CACNB2: variants seen among roughly 807,000 people sequenced by gnomAD.
CACNB2 encodes the protein calcium voltage-gated channel auxiliary subunit beta 2, also known as voltage-dependent L-type calcium channel subunit beta-2.
CACNB2 carries 42 observed loss-of-function variants against 73.3 expected under a neutral mutation model. The observed-to-expected ratio is 0.57, with a 90% CI of 0.45 to 0.74. The LOEUF is 0.74. CACNB2 is among the 30% of genes least tolerant of loss of function. CACNB2 has a pLI of 0.00. For missense variants in CACNB2, 940 were observed against 853.0 expected, an observed-to-expected ratio of 1.10 and a Z score of -1.27; for synonymous variants, 348 against 310.3, an observed-to-expected ratio of 1.12 and a Z score of -1.28.
rs564870540 is a variant in CACNB2, at chr10:18,500,319, A to C, written c.457-493A>C. 6.6e-5 allele frequency among the ~76,000 whole-genome samples: 10 copies of C among 152,360 alleles called. No individual in the cohort carries two copies. In the East Asian group the frequency reaches 1.9e-3, roughly 29 times the overall value. On this transcript the variant is annotated intron_variant, in intron 4 of 13. Coordinates refer to ENST00000324631, the MANE Select transcript of CACNB2 (RefSeq NM_201596.3). Reference sequence around the variant, plus strand: ...TTGTCAACATCACACAAGTAGAGAAATCATCTGTGAACATCGCATTGTATA... The same window carrying C: ...TTGTCAACATCACACAAGTAGAGAACTCATCTGTGAACATCGCATTGTATA...
At chr10:18,507,319 G>A (rs992119696) in intron 6 of CACNB2, among the ~76,000 whole-genome samples, 2 of 152,136 alleles carry the variant, frequency 1.3e-5, no homozygotes, top group African/African-American at 4.8e-5. Flanking sequence ...CAGACAAGAA[G>A]TATAGAAAAA....
At chr10:18,408,089 G>T (rs1456803458) in intron 3 of CACNB2, among the ~76,000 whole-genome samples, 2 of 152,128 alleles carry the variant, frequency 1.3e-5, no homozygotes, top group East Asian at 3.8e-4. Flanking sequence ...ATTGTAGAGG[G>T]TTAAAACTGA....
intron 2 of CACNB2, among the ~76,000 whole-genome samples, chr10:18,278,286 C>A (rs1444421085): frequency 6.6e-6 from 1 of 152,088 alleles, no homozygotes; most frequent in Non-Finnish European, 1.5e-5. Flanking sequence ...TTGAGACCAG[C>A]CTGAGCAACA....
At chr10:18,370,848 GAT>G (rs1289302121) in intron 2 of CACNB2, among the ~76,000 whole-genome samples, 1 of 152,098 alleles carries the variant, frequency 6.6e-6, no homozygotes, top group Non-Finnish European at 1.5e-5. Context: ...TATTTGTATA[GAT>G]ACACACATAT....
intron 3 of CACNB2, among the ~76,000 whole-genome samples, chr10:18,441,400 T>C (rs2046404531): frequency 6.6e-6 from 1 of 152,172 alleles, no homozygotes; most frequent in Admixed American, 6.5e-5. Context: ...CAAGATTCCA[T>C]CTCAAAAAAA....
At chr10:18,479,251 G>A (rs1029587758) in intron 3 of CACNB2, among the ~76,000 whole-genome samples, 2 of 151,724 alleles carry the variant, frequency 1.3e-5, no homozygotes, top group African/African-American at 4.8e-5. Context: ...CTTTTTATGT[G>A]TCTATCCTTC....
In CACNB2 at chr10:18,234,914, C is replaced by T. The variant is rs375401177; in HGVS notation, c.213+83939C>T. On this transcript the variant is annotated intron_variant, in intron 2 of 13. Transcript: ENST00000324631. ...ATCCCAGCACTTTGGGAGGCTGAGGCGGGCAGATCACGAGGTCAGGAGATC... is the reference window on the plus strand; with the variant it reads ...ATCCCAGCACTTTGGGAGGCTGAGGTGGGCAGATCACGAGGTCAGGAGATC... Among the ~76,000 whole-genome samples, 370 of 152,002 alleles carry T rather than the reference C, an allele frequency of 2.4e-3. 2 individuals are homozygous for T. Among genetic ancestry groups the T allele is most frequent in the African/African-American group, 8.7e-3 (362 of 41,468 alleles).
At chr10:18,470,271 G>C (rs751207016) in intron 3 of CACNB2, among the ~76,000 whole-genome samples, 1 of 150,644 alleles carries the variant, frequency 6.6e-6, no homozygotes, top group Non-Finnish European at 1.5e-5. Context: ...AGGATCACCT[G>C]AGGTCTGGAG....
chr10:18,532,193 T>C (rs1369968532), intron 10 of CACNB2, among the ~76,000 whole-genome samples: 1 of 152,178 alleles, frequency 6.6e-6, no homozygotes, highest in African/African-American at 2.4e-5. Flanking sequence ...ACCAGGATTC[T>C]GAAAGTCCAC....
chr10:18,498,554 C>A (rs561875268), intron 4 of CACNB2, 77 bp downstream of exon 4: 2 of 1,474,800 alleles, frequency 1.4e-6, no homozygotes, highest in Non-Finnish European at 1.9e-6. Flanking sequence ...TATTCATATG[C>A]CGTTTCTGTG....
At chr10:18,480,246 A>G (rs1409981630) in intron 3 of CACNB2, among the ~76,000 whole-genome samples, 1 of 151,354 alleles carries the variant, frequency 6.6e-6, no homozygotes, top group Non-Finnish European at 1.5e-5. Context: ...TACTCAAATT[A>G]TTTGAGGATC....
intron 2 of CACNB2, among the ~76,000 whole-genome samples, chr10:18,216,008 T>G (rs1189908452): frequency 6.6e-6 from 1 of 152,016 alleles, no homozygotes; most frequent in Non-Finnish European, 1.5e-5. Flanking sequence ...TTAAAGTAAG[T>G]CTTGAGGCCA....
At chr10:18,470,438 G>T (rs563272267) in intron 3 of CACNB2, among the ~76,000 whole-genome samples, 79 of 150,072 alleles carry the variant, frequency 5.3e-4, no homozygotes, top group South Asian at 1.3e-3. Flanking sequence ...TATATTATAT[G>T]TGGTATATAT....
chr10:18,377,951 C>T (rs2042868427), intron 2 of CACNB2, among the ~76,000 whole-genome samples: 1 of 152,138 alleles, frequency 6.6e-6, no homozygotes, highest in Admixed American at 6.5e-5. Context: ...TTATGATAGA[C>T]ACAGGGCCCT....
At chr10:18,361,591 T>C (rs1312180046) in intron 2 of CACNB2, among the ~76,000 whole-genome samples, 1 of 151,312 alleles carries the variant, frequency 6.6e-6, no homozygotes, top group Non-Finnish European at 1.5e-5. Flanking sequence ...ATATTACTGT[T>C]ATCCTGTCTA....
At chr10:18,361,234 G>A in intron 2 of CACNB2, among the ~76,000 whole-genome samples, 1 of 151,614 alleles carries the variant, frequency 6.6e-6, no homozygotes, top group Non-Finnish European at 1.5e-5. Flanking sequence ...AATTCCACCT[G>A]TAATCCCAGC....
intron 2 of CACNB2, among the ~76,000 whole-genome samples, chr10:18,205,282 T>G (rs957230244): frequency 2.0e-5 from 3 of 152,198 alleles, no homozygotes; most frequent in Non-Finnish European, 4.4e-5. Context: ...AGTTTTCTCA[T>G]CCGTATAATG....
At chr10:18,528,118 CATT>C (rs1421508360) in intron 10 of CACNB2, among the ~76,000 whole-genome samples, 1 of 152,066 alleles carries the variant, frequency 6.6e-6, no homozygotes, top group Non-Finnish European at 1.5e-5. Flanking sequence ...AAATGATATC[CATT>C]ATTATCCTAA....
intron 2 of CACNB2, among the ~76,000 whole-genome samples, chr10:18,277,880 T>C (rs1004349116): frequency 3.7e-4 from 56 of 152,202 alleles, no homozygotes; most frequent in African/African-American, 1.3e-3. Flanking sequence ...CAATCTGTTA[T>C]CCTCACTTAA....
Sources: gnomAD v4.1 joint callset for allele counts (sites outside exome capture counted in the v4.1 genomes callset) on GRCh38, gnomAD v4.1.1 for gene constraint, MANE v1.5 for transcripts, NCBI Gene and HGNC (gene_info 2026-07-23, HGNC 2026-07-21) for gene names.